Variants in MPHOSPH9 observed in about 807,000 individuals in gnomAD.
MPHOSPH9 encodes the protein M-phase phosphoprotein 9.
MPHOSPH9 carries 88 observed loss-of-function variants against 145.5 expected under a neutral mutation model. That is an observed-to-expected ratio of 0.60 (90% confidence interval 0.51 to 0.72). The LOEUF (loss-of-function observed/expected upper bound fraction) is 0.72. MPHOSPH9 is among the 30% of genes least tolerant of loss of function. The pLI, the probability that MPHOSPH9 is intolerant of heterozygous loss-of-function variation, is 0.00. For synonymous variants in MPHOSPH9, 435 were observed against 486.2 expected (o/e 0.89, Z 1.39); for missense variants, 1,238 against 1,386.6 (o/e 0.89, Z 1.70).
intron 1 of MPHOSPH9, chr12:123,240,458 T>A (rs1433772041): frequency 6.6e-6 from 1 of 152,176 alleles, no homozygotes; most frequent in African/African-American, 2.4e-5. Flanking sequence ...AAAGTTTGCA[T>A]GGGGAGACTG....
At chr12:123,167,836 A>G (rs1040332365) in intron 16 of MPHOSPH9, among the ~76,000 whole-genome samples, 2 of 152,050 alleles carry the variant, frequency 1.3e-5, no homozygotes, top group African/African-American at 4.8e-5. Context: ...CATTCCCCAG[A>G]CTTTAGAGCC....
intron 4 of MPHOSPH9, 142 bp from the exon 5 acceptor site, chr12:123,222,037 C>T: frequency 1.5e-6 from 1 of 652,944 alleles, no homozygotes; most frequent in Non-Finnish European, 2.5e-6. Flanking sequence ...AGTTTATAAA[C>T]AAAATTGAGG....
chr12:123,217,432 C>A (rs1218065045), intron 6 of MPHOSPH9, among the ~76,000 whole-genome samples: 2 of 151,936 alleles, frequency 1.3e-5, no homozygotes, highest in Non-Finnish European at 2.9e-5. Context: ...CTCTTGACCT[C>A]GTGATCTGCC....
intron 8 of MPHOSPH9, among the ~76,000 whole-genome samples, chr12:123,206,847 G>T (rs554454759): frequency 6.6e-6 from 1 of 151,456 alleles, no homozygotes; most frequent in South Asian, 2.1e-4. Flanking sequence ...CCAGGAGATG[G>T]AGGTTGCAGT....
chr12:123,157,643 G>C (rs1302828324), intron 23 of MPHOSPH9, among the ~76,000 whole-genome samples: 5 of 151,818 alleles, frequency 3.3e-5, no homozygotes, highest in Admixed American at 1.3e-4. Flanking sequence ...ACCACACCTG[G>C]CTGATTTTAA....
intron 3 of MPHOSPH9, among the ~76,000 whole-genome samples, 162 bp from the exon 4 acceptor site, chr12:123,223,289 A>G (rs1377623134): frequency 5.9e-5 from 9 of 152,016 alleles, no homozygotes; most frequent in African/African-American, 9.7e-5. Context: ...GCGCCACACC[A>G]AGAGAGCAGG....
At chr12:123,210,861 C>T (rs1489998213) in intron 7 of MPHOSPH9, among the ~76,000 whole-genome samples, 3 of 151,686 alleles carry the variant, frequency 2.0e-5, no homozygotes, top group Non-Finnish European at 4.4e-5. Context: ...GGAGTGATCT[C>T]GGCTCATTGC....
intron 7 of MPHOSPH9, among the ~76,000 whole-genome samples, chr12:123,212,636 G>C (rs868131750): frequency 2.1e-5 from 3 of 145,070 alleles, no homozygotes; most frequent in Middle Eastern, 3.7e-3. Context: ...ACTTGAATCT[G>C]GCAAGCGGAG....
At chr12:123,200,935 A>G (rs1356685445) in intron 11 of MPHOSPH9, among the ~76,000 whole-genome samples, 2 of 152,154 alleles carry the variant, frequency 1.3e-5, no homozygotes, top group Non-Finnish European at 2.9e-5. Flanking sequence ...CTGGGATTAC[A>G]GGTGTGAGCC....
intron 7 of MPHOSPH9, among the ~76,000 whole-genome samples, chr12:123,211,497 C>T (rs1019211884): frequency 6.6e-6 from 1 of 151,316 alleles, no homozygotes; most frequent in African/African-American, 2.4e-5. Flanking sequence ...GGACTACAGG[C>T]ACACACCACC....
At position 123,165,315 on chromosome 12, in the gene MPHOSPH9, C is replaced by T. The variant is rs1472334375; in HGVS notation, c.2754G>A (p.Glu918=). 2 of 1,613,202 alleles carry T rather than the reference C, an allele frequency of 1.2e-6. No individual in the cohort carries two copies. Among genetic ancestry groups the T allele is most frequent in the Middle Eastern group, 1.7e-4 (1 of 6,060 alleles). The change falls in exon 18 of 24, where the codon GAG becomes GAA. Residue 918 remains glutamate (E), a synonymous_variant. Coordinates refer to ENST00000606320, the MANE Select transcript of MPHOSPH9 (RefSeq NM_022782.4). ...GGAAATACTCACTATTTGAGGTGTC[C>T]TCTTTCTCTGTCTGTGTCCCCCAAT... ...FKNWGTQTEK[E]DTSNINPRQT...
chr12:123,241,748 C>T lies in MPHOSPH9; in HGVS notation c.-159+2105G>A, dbSNP rs78277945. On this transcript the variant is annotated intron_variant, in intron 1 of 2. Coordinates refer to the MPHOSPH9 transcript ENST00000545406. ...CCTCCCAAGTAGCTGGGACTGTAGG[C>T]TATTATCTTGTTTGCTCCGGCCACA... 6.2e-3 allele frequency among the ~76,000 whole-genome samples: 951 copies of T among 152,312 alleles called. 23 individuals are homozygous for T. The highest frequency in any genetic ancestry group is 0.045 in the Admixed American group (690 of 15,276).
intron 13 of MPHOSPH9, among the ~76,000 whole-genome samples, chr12:123,181,956 C>CTT (rs941406957): frequency 6.8e-6 from 1 of 146,534 alleles, no homozygotes; most frequent in African/African-American, 2.5e-5. Context: ...GGAACTATTA[C>CTT]TTTTTTTTTT....
chr12:123,162,214 C>A lies in MPHOSPH9; in HGVS notation c.3034G>T (p.Asp1012Tyr). The A allele has an allele frequency of 2.7e-6, 4 of 1,492,562 alleles. No homozygotes were observed. The highest frequency in any genetic ancestry group is 2.9e-5 in the South Asian group (2 of 69,540). 92.5% of individuals were successfully genotyped at this position (1,492,562 alleles called of 1,614,324 possible). Residue 1012 changes from aspartate (D) to tyrosine (Y), a missense_variant, in exon 21 of 24, where the codon GAT (aspartate) becomes TAT (tyrosine). Around this residue, in one of 3 missense-constraint regions of MPHOSPH9, gnomAD observed 393 missense variants for 462.5 expected, o/e 0.85. Coordinates refer to ENST00000606320, the MANE Select transcript of MPHOSPH9 (RefSeq NM_022782.4). ...GTATCTAAATCATCCAAAAGTATAT[C>A]AAATCTATTGAATGAAGCAAGTTAC... Reference protein sequence around the residue: ...SKNESSPIRFDILLDDLDTVP... With the variant: ...SKNESSPIRFYILLDDLDTVP...
rs576514959 is a variant in MPHOSPH9 at position 123,159,489 on chromosome 12, G to A, written c.3450+1292C>T. ...TGGCAGGTTTTTTTTTGTTTTTTTT[G>A]TTGTTGTTGTTTTCCCAAACATACA... On this transcript the variant is annotated intron_variant, in intron 23 of 23. Transcript: ENST00000606320. This position sits in a 1 kb window ranked among gnomAD's most constrained non-coding sequence, Gnocchi z 4.3. 1.1e-4 allele frequency among the ~76,000 whole-genome samples: 16 copies of A among 151,420 alleles called. No individual in the cohort carries two copies. The highest frequency in any genetic ancestry group is 3.9e-4 in the African/African-American group (16 of 41,268).
At position 123,202,211 on chromosome 12, in the gene MPHOSPH9, G is replaced by A; in HGVS notation, c.1890C>T (p.Ile630=). ...TTATCTTCCAATCTTCAACTCCAGA[G>A]ATTTCTTTTGCCTCCAGCTTCTGTT... The part of the protein sequence containing the change: ...SLKQKLEAKE[I]SGVEDWKITN... The change falls in exon 11 of 24, where the codon ATC becomes ATT. Residue 630 remains isoleucine, a synonymous_variant. Coordinates refer to ENST00000606320, the MANE Select transcript of MPHOSPH9 (RefSeq NM_022782.4). 2 of 1,612,920 alleles carry A rather than the reference G, an allele frequency of 1.2e-6. No homozygotes were observed. The highest frequency in any genetic ancestry group is 1.7e-6 in the Non-Finnish European group (2 of 1,179,670).
At chr12:123,152,388 C>T (rs2043792825), downstream of MPHOSPH9, 3 of 341,674 alleles carry the variant, frequency 8.8e-6, no homozygotes, top group Non-Finnish European at 1.2e-5. Flanking sequence ...CCTGCTCCCG[C>T]GGAGCTTACA....
In MPHOSPH9 at chr12:123,165,535, C is replaced by A. The variant is rs573870540; in HGVS notation, c.2592-58G>T. ...TGGACTAAATGTCTGTATCTTGCCCCCCGCCCCCACACCAAACATACATGT... is the reference window on the plus strand; with the variant it reads ...TGGACTAAATGTCTGTATCTTGCCCACCGCCCCCACACCAAACATACATGT... On this transcript the variant is annotated intron_variant, in intron 17 of 23. Transcript: ENST00000606320. 18 of 1,435,946 alleles carry A rather than the reference C, an allele frequency of 1.3e-5. No homozygotes were observed. In the African/African-American group the frequency reaches 2.4e-4, roughly 19 times the overall value. The allele number at this position is 1,435,946 out of a possible 1,614,324, so 89.0% of individuals were successfully genotyped here.
chr12:123,219,406 G>A (rs2047104248), intron 5 of MPHOSPH9, among the ~76,000 whole-genome samples: 1 of 151,152 alleles, frequency 6.6e-6, no homozygotes, highest in Non-Finnish European at 1.5e-5. Flanking sequence ...AGACCATCCT[G>A]GCTAACATGG....
Sources: gnomAD v4.1 joint callset for allele counts (sites outside exome capture counted in the v4.1 genomes callset) on GRCh38, gnomAD v4.1.1 for gene constraint, gnomAD v4.1.1 regional missense constraint, Gnocchi (gnomAD v3.1) non-coding constraint, MANE v1.5 for transcripts, NCBI Gene and HGNC (gene_info 2026-07-23, HGNC 2026-07-21) for gene names.